ATG4A: variants seen among roughly 807,000 people sequenced by gnomAD.
ATG4A encodes the protein cysteine protease ATG4A.
ATG4A carries 22 observed loss-of-function variants against 38.4 expected under a neutral mutation model. The observed-to-expected ratio is 0.57, with a 90% CI of 0.41 to 0.82. The LOEUF (loss-of-function observed/expected upper bound fraction) is 0.82. Among genes scored for constraint, ATG4A ranks in the 40% least tolerant of loss-of-function variants. ATG4A has a pLI of 0.00. For missense variants in ATG4A, 220 were observed against 290.0 expected (o/e 0.76, Z 1.75); for synonymous variants, 86 against 100.7 (o/e 0.85, Z 0.88).
At chrX:108,096,773 A>G (rs768709073) in intron 1 of ATG4A, among the ~76,000 whole-genome samples, 7 of 110,737 alleles carry the variant, frequency 6.3e-5, no homozygotes, top group Non-Finnish European at 1.1e-4. Context: ...AGGGGAAGTT[A>G]TCCTTTGACT....
chrX:108,125,119 T>G (rs1287329784), intron 1 of ATG4A, among the ~76,000 whole-genome samples: 1 of 111,992 alleles, frequency 8.9e-6, no homozygotes, highest in African/African-American at 3.2e-5. Flanking sequence ...GGAAATATAT[T>G]TACTGTTTAT....
chrX:108,153,187 A>G, intron 12 of ATG4A, 100 bp downstream of exon 12: 1 of 599,859 alleles, frequency 1.7e-6, no homozygotes, highest in South Asian at 2.9e-5. Context: ...GGACAGTAAA[A>G]TTTCTACTCA....
At chrX:108,127,986 C>T (rs1430326633) in intron 2 of ATG4A, among the ~76,000 whole-genome samples, 1 of 112,525 alleles carries the variant, frequency 8.9e-6, no homozygotes, top group Admixed American at 9.4e-5. Context: ...GTGCCAGTTG[C>T]ACTAGTTGCT....
intron 1 of ATG4A, among the ~76,000 whole-genome samples, chrX:108,122,708 C>G (rs1471471121): frequency 8.9e-6 from 1 of 112,084 alleles, no homozygotes; most frequent in Non-Finnish European, 1.9e-5. Flanking sequence ...TACAGAAAGC[C>G]TTTTCCCCAG....
intron 9 of ATG4A, among the ~76,000 whole-genome samples, chrX:108,149,790 A>G (rs2033536797): frequency 8.9e-6 from 1 of 112,166 alleles, no homozygotes; most frequent in Non-Finnish European, 1.9e-5. Context: ...AAGCTCCCTA[A>G]TGGTACCTGG....
chrX:108,124,917 G>T (rs2032760174), intron 1 of ATG4A, among the ~76,000 whole-genome samples: 1 of 111,356 alleles, frequency 9.0e-6, no homozygotes, highest in Admixed American at 9.5e-5. Context: ...TGTACAAATG[G>T]CCCCCTACTT....
chrX:108,088,982 T>TA, upstream of ATG4A: 1 of 428,310 alleles, frequency 2.3e-6, no homozygotes, highest in Non-Finnish European at 4.1e-6. Flanking sequence ...TAGGTAACCT[T>TA]AAACTATATT....
chrX:108,103,127 G>A (rs1248795577), intron 1 of ATG4A, among the ~76,000 whole-genome samples: 1 of 111,315 alleles, frequency 9.0e-6, no homozygotes, highest in Non-Finnish European at 1.9e-5. Context: ...GAGGATGATG[G>A]CTTCCAGCTC....
intron 9 of ATG4A, among the ~76,000 whole-genome samples, chrX:108,140,997 T>C (rs12387355): frequency 8.5e-4 from 70 of 82,305 alleles, no homozygotes; most frequent in African/African-American, 1.5e-3. Flanking sequence ...CGTATATATA[T>C]ACATATATAT....
At chrX:108,125,149 A>T (rs1056773696) in intron 1 of ATG4A, among the ~76,000 whole-genome samples, 12 of 111,622 alleles carry the variant, frequency 1.1e-4, no homozygotes, top group Non-Finnish European at 2.1e-4. Flanking sequence ...TCTCTCAGAA[A>T]ATTATTATTA....
chrX:108,136,586 C>A (rs1308295592), intron 6 of ATG4A, among the ~76,000 whole-genome samples: 1 of 111,452 alleles, frequency 9.0e-6, no homozygotes, highest in African/African-American at 3.3e-5. Context: ...TCTCTCTTTC[C>A]CCTCCACCCA....
intron 9 of ATG4A, among the ~76,000 whole-genome samples, chrX:108,140,487 T>A (rs138362905): frequency 0.025 from 2,765 of 108,438 alleles, 86 homozygotes; most frequent in African/African-American, 0.089. Flanking sequence ...ATTGCCATTT[T>A]CTAAATAGTT....
rs1305659003 is a variant in ATG4A at position 108,121,240 on chromosome X, G to A, written c.11-4837G>A. ...GGGATGAAAGCATGTTGCAGGCTGG[G>A]CCAGAGCCTTGGTCTTCTGGCTGTC... On this transcript the variant is annotated intron_variant, in intron 1 of 12. Coordinates refer to ENST00000372232, the MANE Select transcript of ATG4A (RefSeq NM_052936.5). Among the ~76,000 whole-genome samples the A allele has an allele frequency of 2.7e-5, 3 of 111,132 alleles. No individual in the cohort carries two copies. The Admixed American group carries it at 2.9e-4, about 11-fold the overall frequency.
intron 9 of ATG4A, among the ~76,000 whole-genome samples, chrX:108,141,063 TATATATAC>T (rs769823400): frequency 0.026 from 732 of 28,588 alleles, 52 homozygotes; most frequent in African/African-American, 0.037. Context: ...TATACGTGTA[TATATATAC>T]ATATATATAT....
At chrX:108,127,279 A>G (rs2032825596) in intron 2 of ATG4A, among the ~76,000 whole-genome samples, 1 of 112,117 alleles carries the variant, frequency 8.9e-6, no homozygotes, top group Non-Finnish European at 1.9e-5. Context: ...TAAAATGTCC[A>G]TACAACTTTC....
At chrX:108,113,097 T>A (rs1318059837) in intron 1 of ATG4A, among the ~76,000 whole-genome samples, 1 of 111,388 alleles carries the variant, frequency 9.0e-6, no homozygotes, top group Non-Finnish European at 1.9e-5. Context: ...AGTCCATTTT[T>A]TTTTCTTTAT....
At chrX:108,095,470 C>T (rs760909494) in intron 1 of ATG4A, among the ~76,000 whole-genome samples, 2 of 111,376 alleles carry the variant, frequency 1.8e-5, no homozygotes, top group South Asian at 3.8e-4. Flanking sequence ...GTGATCCTCC[C>T]ACCTAGGTCT....
intron 1 of ATG4A, 157 bp downstream of exon 1, chrX:108,091,993 C>A: frequency 1.1e-6 from 1 of 930,374 alleles, no homozygotes; most frequent in Non-Finnish European, 1.5e-6. Context: ...CCTGCAGTGG[C>A]AGGCGGAAGG....
At position 108,131,812 on chromosome X, in the gene ATG4A, AG is replaced by A. The variant is rs983009650; in HGVS notation, c.292+456del. On this transcript the variant is annotated intron_variant, in intron 4 of 12. Transcript: ENST00000372232. ...GCGCTATTTTGGTTTTGGTTCACTA[AG>A]GATGTCCAGCTGATGATGAAGGAAT... is the stretch of plus-strand genomic sequence containing the variant. Among the ~76,000 whole-genome samples the A allele has an allele frequency of 5.3e-5, 6 of 112,278 alleles. No homozygotes were observed. The Admixed American group carries it at 5.6e-4, about 11-fold the overall frequency.
Sources: allele counts gnomAD v4.1 joint callset (sites outside exome capture counted in the v4.1 genomes callset), GRCh38; gene constraint gnomAD v4.1.1; transcripts MANE v1.5; gene names NCBI Gene and HGNC (gene_info 2026-07-23, HGNC 2026-07-21).